Variants in DHRSX observed in about 807,000 individuals in gnomAD.
DHRSX encodes the protein polyprenol dehydrogenase.
In DHRSX, 31 loss-of-function variants were observed where a neutral mutation model predicts 34.0. That is an observed-to-expected ratio of 0.91 (90% CI 0.69 to 1.23). The LOEUF (loss-of-function observed/expected upper bound fraction) is 1.23. Ranked by LOEUF, DHRSX falls within the 50% of genes most tolerant of loss-of-function variation. The probability of loss-of-function intolerance (pLI) is 0.00; values close to 1 mark genes in which losing one functional copy is unlikely to be tolerated. For synonymous variants in DHRSX, 201 were observed against 183.8 expected (o/e 1.09, Z -0.76); for missense variants, 414 against 428.1 (o/e 0.97, Z 0.29).
chrX:2,430,388 C>T (rs1448447755), intron 1 of DHRSX, among the ~76,000 whole-genome samples: 1 of 151,998 alleles, frequency 6.6e-6, no homozygotes, highest in Non-Finnish European at 1.5e-5. Flanking sequence ...TATGTATGTA[C>T]CCACACAGAC....
chrX:2,419,842 T>G (rs1053625178), intron 2 of DHRSX, among the ~76,000 whole-genome samples: 5 of 140,130 alleles, frequency 3.6e-5, no homozygotes, highest in Admixed American at 1.4e-4. Flanking sequence ...GGGGGAGGGA[T>G]AGCATTAGGA....
chrX:2,310,336 G>A (rs1305145376), intron 3 of DHRSX, among the ~76,000 whole-genome samples: 2 of 152,062 alleles, frequency 1.3e-5, no homozygotes, highest in Non-Finnish European at 2.9e-5. Flanking sequence ...GGGCAGATTG[G>A]TTGTCACCCC....
Position 2,291,598 on chromosome X carries a change from A to G in DHRSX, c.292T>C (p.Phe98Leu). The change falls in exon 4 of 7, where the codon TTT becomes CTT. Residue 98 changes from phenylalanine (F) to leucine (L), a missense_variant. Phe to Leu is a conservative substitution (Grantham distance 22). Transcript: ENST00000334651. ...ATGGAAGCCAAGTCACAGTATAAAA[A>G]TTCCACTGGAAAAGGACAACAACAA... ...KEETLNDKVE[F>L]LYCDLASMTS... 2.5e-6 allele frequency: 4 copies of G among 1,613,520 alleles called. No individual in the cohort carries two copies. Among genetic ancestry groups the G allele is most frequent in the Non-Finnish European group, 3.4e-6 (4 of 1,179,434 alleles).
Position 2,447,647 on chromosome X carries a change from CAT to C in DHRSX, c.110-22345_110-22344del, listed in dbSNP as rs749145248. Among the ~76,000 whole-genome samples the C allele has an allele frequency of 8.6e-4, 131 of 152,066 alleles. 2 individuals carry two copies. The East Asian group carries it at 0.02, about 23-fold the overall frequency. On this transcript the variant is annotated intron_variant, in intron 1 of 6. Transcript: ENST00000334651. ...GAATCAACCCATGTGTCAATCAACACATGAGTGCCTCAAGCAAATGTGGCATA... is the reference window on the plus strand; with the variant it reads ...GAATCAACCCATGTGTCAATCAACACGAGTGCCTCAAGCAAATGTGGCATA...
intron 1 of DHRSX, among the ~76,000 whole-genome samples, chrX:2,427,085 T>G (rs2043859884): frequency 6.6e-6 from 1 of 152,186 alleles, no homozygotes; most frequent in African/African-American, 2.4e-5. Context: ...CATCTTCCAG[T>G]TATGAATGAA....
At chrX:2,316,311 T>C (rs1395071231) in intron 3 of DHRSX, among the ~76,000 whole-genome samples, 2 of 152,070 alleles carry the variant, frequency 1.3e-5, no homozygotes, top group African/African-American at 4.8e-5. Flanking sequence ...AGCACTGTGA[T>C]AGGCTGAGGT....
chrX:2,485,036 G>A (rs1398714500), intron 1 of DHRSX, among the ~76,000 whole-genome samples: 1 of 152,196 alleles, frequency 6.6e-6, no homozygotes, highest in African/African-American at 2.4e-5. Flanking sequence ...GTTCGAAGCA[G>A]GCAATTCTGC....
intron 1 of DHRSX, among the ~76,000 whole-genome samples, chrX:2,432,369 G>A (rs1406419308): frequency 2.0e-5 from 3 of 152,108 alleles, no homozygotes; most frequent in African/African-American, 4.8e-5. Flanking sequence ...GAATCGATTC[G>A]AAAATTGCTG....
At chrX:2,245,348 GC>G (rs1346441813) in intron 5 of DHRSX, among the ~76,000 whole-genome samples, 1 of 151,744 alleles carries the variant, frequency 6.6e-6, no homozygotes. Context: ...TGCTCATATT[GC>G]CCAGGCTGGA....
At chrX:2,378,219 C>G (rs751512422) in intron 3 of DHRSX, among the ~76,000 whole-genome samples, 2 of 152,346 alleles carry the variant, frequency 1.3e-5, no homozygotes, top group Admixed American at 1.3e-4. Flanking sequence ...ACCAGGTGGT[C>G]AGCCTGCCTT....
At chrX:2,287,333 A>G (rs1446433040) in intron 4 of DHRSX, among the ~76,000 whole-genome samples, 1 of 151,804 alleles carries the variant, frequency 6.6e-6, no homozygotes, top group Non-Finnish European at 1.5e-5. Flanking sequence ...GGTGGAAGAC[A>G]GAATAATGGC....
chrX:2,291,896 A>ATTT (rs928376249), intron 3 of DHRSX, among the ~76,000 whole-genome samples: 17,446 of 95,856 alleles, frequency 0.18, 1,743 homozygotes, highest in Non-Finnish European at 0.26. Context: ...GTATTTTTGT[A>ATTT]TTTTTTTTTT....
At chrX:2,223,933 C>T (rs2015576935) in intron 6 of DHRSX, among the ~76,000 whole-genome samples, 1 of 152,166 alleles carries the variant, frequency 6.6e-6, no homozygotes, top group African/African-American at 2.4e-5. Context: ...CACACTGCTG[C>T]TCTGGACAAA....
At chrX:2,390,378 T>G (rs144596154) in intron 3 of DHRSX, among the ~76,000 whole-genome samples, 2,598 of 151,946 alleles carry the variant, frequency 0.017, 51 homozygotes, top group South Asian at 0.073. Context: ...CCTCAGGTGA[T>G]CCACCCGCCT....
At chrX:2,294,569 G>A (rs1161922924) in intron 3 of DHRSX, among the ~76,000 whole-genome samples, 2 of 151,828 alleles carry the variant, frequency 1.3e-5, no homozygotes, top group African/African-American at 4.8e-5. Context: ...GGAGGCTAAG[G>A]CAGGAGAATC....
At chrX:2,229,712 C>T (rs1056636204) in intron 6 of DHRSX, among the ~76,000 whole-genome samples, 10 of 151,874 alleles carry the variant, frequency 6.6e-5, no homozygotes, top group African/African-American at 1.9e-4. Context: ...TTAATGGGTA[C>T]GTGTGTGTAT....
intron 1 of DHRSX, among the ~76,000 whole-genome samples, chrX:2,441,576 C>T (rs7064459): frequency 0.067 from 10,263 of 152,166 alleles, 863 homozygotes; most frequent in African/African-American, 0.2. Context: ...CCCATGGAGA[C>T]ATGATGTCGC....
intron 3 of DHRSX, among the ~76,000 whole-genome samples, chrX:2,368,424 T>C (rs1569494369): frequency 1.3e-5 from 2 of 152,192 alleles, no homozygotes; most frequent in Non-Finnish European, 2.9e-5. Flanking sequence ...CAAATTATTC[T>C]CTGCGTCTTT....
intron 1 of DHRSX, among the ~76,000 whole-genome samples, chrX:2,455,622 TC>T (rs956719255): frequency 6.7e-6 from 1 of 150,068 alleles, no homozygotes; most frequent in Admixed American, 6.7e-5. Context: ...ACACCTATAA[TC>T]CCAGCTACGT....
Sources: gnomAD v4.1 joint callset for allele counts (sites outside exome capture counted in the v4.1 genomes callset) on GRCh38, gnomAD v4.1.1 for gene constraint, MANE v1.5 for transcripts, NCBI Gene and HGNC (gene_info 2026-07-23, HGNC 2026-07-21) for gene names.